Variants in MRPL40 observed in about 807,000 individuals in gnomAD.
MRPL40 encodes the protein mitochondrial ribosomal protein L40.
MRPL40 carries 18 observed loss-of-function variants against 24.5 expected under a neutral mutation model. The observed-to-expected ratio is 0.73, with a 90% CI of 0.51 to 1.09. The LOEUF is 1.09. Ranked by LOEUF, MRPL40 falls within the 50% of genes least tolerant of loss-of-function variation. The pLI, the probability that MRPL40 is intolerant of heterozygous loss-of-function variation, is 0.00. For synonymous variants in MRPL40, 108 were observed against 94.6 expected, an observed-to-expected ratio of 1.14 and a Z score of -0.82; for missense variants, 256 against 243.8, an observed-to-expected ratio of 1.05 and a Z score of -0.33.
intron 1 of MRPL40, 143 bp downstream of exon 1, chr22:19,432,750 T>C (rs1420157140): frequency 7.1e-7 from 1 of 1,399,748 alleles, no homozygotes; most frequent in African/African-American, 1.5e-5. Context: ...TCGTGACTCT[T>C]ATGCATGAAA....
At chr22:19,433,539 A>C (rs543872742) in intron 2 of MRPL40, among the ~76,000 whole-genome samples, 191 bp downstream of exon 2, 1 of 152,282 alleles carries the variant, frequency 6.6e-6, no homozygotes, top group Admixed American at 6.5e-5. Flanking sequence ...TAATTTTTAA[A>C]ATTTGAGCAG....
intron 1 of MRPL40, 57 bp downstream of exon 1, chr22:19,432,664 C>T (rs2089554188): frequency 6.6e-7 from 1 of 1,505,946 alleles, no homozygotes; most frequent in South Asian, 1.3e-5. Context: ...GGGGTCTTCG[C>T]GACTGTCCGC....
At chr22:19,432,694 C>G (rs2089554684) in intron 1 of MRPL40, 87 bp downstream of exon 1, 2 of 1,461,332 alleles carry the variant, frequency 1.4e-6, no homozygotes, top group Middle Eastern at 1.8e-4. Context: ...CCTGTGCTCC[C>G]TGCTCGCCTC....
intron 3 of MRPL40, 138 bp from the exon 4 acceptor site, chr22:19,435,500 A>C: frequency 2.5e-6 from 2 of 804,800 alleles, no homozygotes; most frequent in South Asian, 3.4e-5. Context: ...AGCCACATTC[A>C]ACATTCCATT....
In MRPL40 at chr22:19,434,878, T is replaced by A; in HGVS notation, c.280T>A (p.Phe94Ile). 1 of 1,593,912 alleles carries A rather than the reference T, an allele frequency of 6.3e-7. No homozygotes were observed. The highest frequency in any genetic ancestry group is 2.2e-5 in the East Asian group (1 of 44,812). ...TGAAGATTTTATTACCCCTCTAAAG[T>A]TCTTGGATAAAGCAAGGTAAGGATC... is the stretch of plus-strand genomic sequence containing the variant. ...PIEDFITPLK[F>I]LDKARERPQV... Residue 94 changes from phenylalanine (F) to isoleucine (I), a missense_variant, in exon 3 of 4, where the codon TTC becomes ATC. Coordinates refer to ENST00000333130, the MANE Select transcript of MRPL40 (RefSeq NM_003776.4).
chr22:19,435,576 GT>G lies in MRPL40; in HGVS notation c.297-61del. ...TCTGTGTCTGGCAATGGGAATACTT[GT>G]GTCAGTTGCAGTCACAGACTTACAT... On this transcript the variant is annotated intron_variant, in intron 3 of 3. Transcript: ENST00000333130. 5.5e-6 allele frequency: 8 copies of G among 1,441,882 alleles called. 2 individuals are homozygous for G. The South Asian group carries it at 1.0e-4, about 19-fold the overall frequency. 89.3% of individuals were successfully genotyped at this position (1,441,882 alleles called of 1,614,324 possible).
Position 19,432,561 on chromosome 22 carries a change from G to C in MRPL40, c.7G>C (p.Ala3Pro). ...GGAAGCGGCGAGGGTAGCCATGACG[G>C]CCTCCGTGCTGCGAAGTATCTCGCT... MT[A>P]SVLRSISLAL... The change falls in exon 1 of 4, where the codon GCC becomes CCC. Residue 3 changes from alanine to proline, a missense_variant. By Grantham distance (27) the Ala-to-Pro change is conservative. Coordinates refer to ENST00000333130, the MANE Select transcript of MRPL40 (RefSeq NM_003776.4). 9 of 1,550,060 alleles carry C rather than the reference G, an allele frequency of 5.8e-6. No individual in the cohort carries two copies. Among genetic ancestry groups the C allele is most frequent in the Non-Finnish European group, 7.8e-6 (9 of 1,148,376 alleles).
chr22:19,433,049 C>A (rs2089558330), intron 1 of MRPL40: 1 of 533,722 alleles, frequency 1.9e-6, no homozygotes, highest in Non-Finnish European at 3.2e-6. Context: ...GCCCCGGCCT[C>A]CCGAGTAGCT....
rs1409453810 is a variant in MRPL40 at position 19,435,745 on chromosome 22, C to G, written c.404C>G (p.Thr135Ser). The G allele has an allele frequency of 3.7e-6, 6 of 1,614,112 alleles. No individual in the cohort carries two copies. The highest frequency in any genetic ancestry group is 4.2e-6 in the Non-Finnish European group (5 of 1,180,014). ...KQQERKMERD[T>S]IRAMLEAQQE... is the part of the protein sequence containing the mutation. ...CAAGAGCGTAAGATGGAGAGGGACACCATCAGGGCTATGCTAGAAGCCCAG... is the reference window on the plus strand; with the variant it reads ...CAAGAGCGTAAGATGGAGAGGGACAGCATCAGGGCTATGCTAGAAGCCCAG... The change falls in exon 4 of 4, where the codon ACC becomes AGC. Residue 135 changes from threonine to serine, a missense_variant. Coordinates refer to ENST00000333130, the MANE Select transcript of MRPL40 (RefSeq NM_003776.4).
intron 2 of MRPL40, among the ~76,000 whole-genome samples, chr22:19,433,709 ACTCTC>A (rs2089567313): frequency 2.0e-5 from 3 of 151,630 alleles, no homozygotes; most frequent in Non-Finnish European, 4.4e-5. Context: ...TCCATCTGGC[ACTCTC>A]GACTCTTTGT....
intron 2 of MRPL40, among the ~76,000 whole-genome samples, chr22:19,434,032 G>T (rs2089569629): frequency 6.6e-6 from 1 of 151,960 alleles, no homozygotes. Context: ...AGCACCCAAA[G>T]TGCTGGGATT....
rs749136776 is a variant in MRPL40, at chr22:19,432,597, C to T, written c.43C>T (p.Pro15Ser). Residue 15 changes from proline (P) to serine (S), a missense_variant, in exon 1 of 4, where the codon CCG (proline) becomes TCG (serine). By Grantham distance (74) the Pro-to-Ser change is moderately conservative (BLOSUM62 -1). Coordinates refer to ENST00000333130, the MANE Select transcript of MRPL40 (RefSeq NM_003776.4). ...GCGAAGTATCTCGCTAGCCCTGCGC[C>T]CGACTAGCGGGTGAGTGCGGACGCT... Reference protein sequence around the residue: ...VLRSISLALRPTSGLLGTWQT... With the variant: ...VLRSISLALRSTSGLLGTWQT... 20 of 1,554,320 alleles carry T rather than the reference C, an allele frequency of 1.3e-5. No homozygotes were observed. The Admixed American group carries it at 2.9e-4, about 22-fold the overall frequency.
Position 19,436,047 on chromosome 22 carries a change from G to A in MRPL40, c.*85G>A. On this transcript the variant is annotated 3_prime_UTR_variant, in exon 4 of 4. Transcript: ENST00000333130. Reference sequence around the variant, plus strand: ...GTCTGCTTTCCACAGAATCAGGCATGCTGTTAATAAATACTGGTTTAATCA... The same window carrying A: ...GTCTGCTTTCCACAGAATCAGGCATACTGTTAATAAATACTGGTTTAATCA... 8.6e-7 allele frequency: 1 copy of A among 1,158,098 alleles called. No homozygotes were observed. Among genetic ancestry groups the A allele is most frequent in the South Asian group, 1.5e-5 (1 of 66,948 alleles). The allele number at this position is 1,158,098 out of a possible 1,614,324, so 71.7% of individuals were successfully genotyped here.
chr22:19,433,589 T>C (rs1601872736), intron 2 of MRPL40, among the ~76,000 whole-genome samples: 7 of 152,354 alleles, frequency 4.6e-5, no homozygotes, highest in Admixed American at 1.3e-4. Context: ...GGGATTCTTG[T>C]GTGTTTTAAA....
At chr22:19,434,649 G>T (rs2089574933) in intron 2 of MRPL40, 87 bp from the exon 3 acceptor site, 1 of 1,107,804 alleles carries the variant, frequency 9.0e-7, no homozygotes, top group Non-Finnish European at 1.3e-6. Context: ...CCAGTGGAGA[G>T]GTCAGTATGG....
In MRPL40 at chr22:19,435,703, G is replaced by A. The variant is rs1360086181; in HGVS notation, c.362G>A (p.Trp121Ter). The part of the protein sequence containing the change: ...TERRALLLKK[W>*]SLYKQQERKM... ...AGGAGAGCTCTGCTTCTGAAGAAGTGGTCCTTGTACAAGCAGCAAGAGCGT... is the reference window on the plus strand; with the variant it reads ...AGGAGAGCTCTGCTTCTGAAGAAGTAGTCCTTGTACAAGCAGCAAGAGCGT... Residue 121 changes from tryptophan to a stop codon, truncating the protein, a stop_gained, in exon 4 of 4, where the codon TGG (tryptophan) becomes TAG (stop). Coordinates refer to ENST00000333130, the MANE Select transcript of MRPL40 (RefSeq NM_003776.4). LOFTEE classifies it high-confidence loss of function. 1.2e-6 allele frequency: 2 copies of A among 1,614,004 alleles called. No homozygotes were observed. The highest frequency in any genetic ancestry group is 1.7e-6 in the Non-Finnish European group (2 of 1,180,034).
intron 2 of MRPL40, 68 bp from the exon 3 acceptor site, chr22:19,434,668 C>T (rs771844107): frequency 2.6e-5 from 35 of 1,352,960 alleles, no homozygotes; most frequent in Non-Finnish European, 3.5e-5. Context: ...GGGGTACTTA[C>T]CATCTTGTCT....
intron 1 of MRPL40, chr22:19,432,917 G>T: frequency 8.4e-7 from 1 of 1,183,902 alleles, no homozygotes; most frequent in Admixed American, 3.8e-5. Context: ...CCTGTGAAGT[G>T]GGAGAGAATC....
At chr22:19,434,996 T>A in intron 3 of MRPL40, 102 bp downstream of exon 3, 2 of 1,078,356 alleles carry the variant, frequency 1.9e-6, no homozygotes, top group Non-Finnish European at 2.7e-6. Context: ...CATTGGTCAG[T>A]AGGCTTGAGC....
Sources: allele counts gnomAD v4.1 joint callset (sites outside exome capture counted in the v4.1 genomes callset), GRCh38; gene constraint gnomAD v4.1.1; transcripts MANE v1.5; gene names NCBI Gene and HGNC (gene_info 2026-07-23, HGNC 2026-07-21).